The following GRIK2 variants were observed in gnomAD, a reference collection of about 807,000 sequenced individuals.
GRIK2 encodes glutamate receptor ionotropic, kainate 2.
Under a neutral mutation model 100.3 loss-of-function variants are expected in GRIK2, and 32 were observed. The ratio of observed to expected loss-of-function variants is 0.32; its 90% CI spans 0.24 to 0.43. The LOEUF (loss-of-function observed/expected upper bound fraction) is 0.43, where lower values mean the gene tolerates loss of function less well. Ranked by LOEUF, GRIK2 falls within the 20% of genes least tolerant of loss-of-function variation. The pLI is 1.00. For missense variants in GRIK2, 843 were observed against 1,114.9 expected (o/e 0.76, Z 3.47); for synonymous variants, 417 against 389.4 (o/e 1.07, Z -0.83).
chr6:101,592,449 G>A (rs1778695222), intron 2 of GRIK2, among the ~76,000 whole-genome samples: 1 of 148,644 alleles, frequency 6.7e-6, no homozygotes. Flanking sequence ...TACCTAGAAA[G>A]GAGGTATGCT....
chr6:101,960,551 G>C lies in GRIK2; in HGVS notation c.2085+31919G>C, dbSNP rs575636967. On this transcript the variant is annotated intron_variant, in intron 14 of 16. Coordinates refer to ENST00000369134, the MANE Select transcript of GRIK2 (RefSeq NM_021956.5). ...ACTGTAATGTATGTTGTGTAGGGCT[G>C]TTTGGCTTCAATTCTGGGTGCTTTC... Among the ~76,000 whole-genome samples the C allele has an allele frequency of 4.6e-5, 7 of 152,172 alleles. No homozygotes were observed. The South Asian group carries it at 1.0e-3, about 23-fold the overall frequency.
At chr6:102,039,661 C>G (rs1000922858) in intron 15 of GRIK2, among the ~76,000 whole-genome samples, 2 of 151,456 alleles carry the variant, frequency 1.3e-5, no homozygotes, top group Admixed American at 1.3e-4. Context: ...TAAAAGCCTT[C>G]TTGGTTTCTC....
At chr6:101,879,645 CTGCT>C (rs909389540) in intron 11 of GRIK2, among the ~76,000 whole-genome samples, 1 of 150,218 alleles carries the variant, frequency 6.7e-6, no homozygotes, top group African/African-American at 2.5e-5. Context: ...CAAATCATTT[CTGCT>C]TGCTTGTTAA....
intron 2 of GRIK2, among the ~76,000 whole-genome samples, chr6:101,597,714 T>C (rs1446371497): frequency 2.0e-5 from 3 of 151,764 alleles, no homozygotes; most frequent in Non-Finnish European, 4.4e-5. Context: ...AGCATTCCTG[T>C]GCATACTCTG....
chr6:102,050,080 TAAAGAG>T (rs1016247048), intron 15 of GRIK2, among the ~76,000 whole-genome samples: 25 of 152,162 alleles, frequency 1.6e-4, no homozygotes, highest in Admixed American at 5.9e-4. Flanking sequence ...TGAAATAAGA[TAAAGAG>T]AAAAATGTTG....
intron 15 of GRIK2, among the ~76,000 whole-genome samples, chr6:102,040,541 T>A (rs1053620957): frequency 2.6e-5 from 4 of 151,634 alleles, no homozygotes; most frequent in Non-Finnish European, 3.0e-5. Context: ...TTCTGTTTTC[T>A]AATGTTAAAT....
intron 2 of GRIK2, among the ~76,000 whole-genome samples, chr6:101,589,528 C>G (rs1349901677): frequency 6.6e-6 from 1 of 152,030 alleles, no homozygotes; most frequent in Non-Finnish European, 1.5e-5. Flanking sequence ...CTTTTAGATT[C>G]CATATCTGAG....
intron 14 of GRIK2, among the ~76,000 whole-genome samples, chr6:101,963,000 C>T (rs1327955086): frequency 2.0e-5 from 3 of 150,736 alleles, no homozygotes; most frequent in African/African-American, 7.3e-5. Flanking sequence ...ATTTTTAATC[C>T]AGTGTGATAA....
chr6:101,604,156 A>T (rs1779345697), intron 2 of GRIK2, among the ~76,000 whole-genome samples: 1 of 151,724 alleles, frequency 6.6e-6, no homozygotes, highest in Non-Finnish European at 1.5e-5. Flanking sequence ...GGTTAGTTAC[A>T]AATTATCCCA....
At chr6:101,854,519 C>T (rs1375100183) in intron 10 of GRIK2, among the ~76,000 whole-genome samples, 1 of 152,024 alleles carries the variant, frequency 6.6e-6, no homozygotes, top group African/African-American at 2.4e-5. Flanking sequence ...CTCGACCTCC[C>T]AAACTGTTGT....
chr6:101,749,803 CTTTTTTTTTT>C (rs989554915), intron 7 of GRIK2, among the ~76,000 whole-genome samples: 2 of 92,552 alleles, frequency 2.2e-5, no homozygotes, highest in Non-Finnish European at 4.0e-5. Context: ...GTGCCAGTTT[CTTTTTTTTTT>C]TTTTTTTTTT....
intron 7 of GRIK2, among the ~76,000 whole-genome samples, chr6:101,689,388 A>C (rs1406676420): frequency 6.6e-6 from 1 of 152,108 alleles, no homozygotes; most frequent in Non-Finnish European, 1.5e-5. Flanking sequence ...TAGTGCTCAG[A>C]CTTTGACATC....
chr6:101,930,313 G>C (rs1372473746), intron 14 of GRIK2, among the ~76,000 whole-genome samples: 1 of 150,272 alleles, frequency 6.7e-6, no homozygotes, highest in Non-Finnish European at 1.5e-5. Flanking sequence ...TAGCACTCCA[G>C]CTTGGGCAAC....
intron 2 of GRIK2, among the ~76,000 whole-genome samples, chr6:101,520,120 C>A (rs1483479294): frequency 2.0e-5 from 3 of 151,872 alleles, no homozygotes; most frequent in African/African-American, 4.8e-5. Context: ...TATTAATAAA[C>A]TGTAAATAAT....
At chr6:101,827,174 A>T (rs1782387789) in intron 10 of GRIK2, among the ~76,000 whole-genome samples, 1 of 151,982 alleles carries the variant, frequency 6.6e-6, no homozygotes, top group African/African-American at 2.4e-5. Context: ...AATAAGGTAA[A>T]TACAGTTTGC....
rs1434984767 is a variant in GRIK2, at chr6:101,836,619, T to TGTATA, written c.1317+18136_1317+18137insGTATA. On this transcript the variant is annotated intron_variant, in intron 10 of 16. Coordinates refer to ENST00000369134, the MANE Select transcript of GRIK2 (RefSeq NM_021956.5). The stretch of plus-strand genomic sequence containing the variant: ...TTGGGGCTTGTTGCTATATATATAG[T>TGTATA]TATATATATATATATATGTATGTGT... Among the ~76,000 whole-genome samples the TGTATA allele has an allele frequency of 6.6e-3, 895 of 135,098 alleles. 11 individuals carry two copies. The highest frequency in any genetic ancestry group is 9.8e-3 in the Non-Finnish European group (638 of 65,378). The allele number at this position is 135,098 out of a possible 152,430, so 88.6% of individuals were successfully genotyped here. A position where few individuals can be genotyped will look rare whatever the true frequency, so the allele number is the denominator to read the frequency against.
intron 2 of GRIK2, among the ~76,000 whole-genome samples, chr6:101,589,945 G>T (rs975353849): frequency 6.6e-6 from 1 of 151,926 alleles, no homozygotes; most frequent in Admixed American, 6.6e-5. Context: ...TAATAACCTG[G>T]ATAAAATAAC....
chr6:101,749,120 A>AT (rs1365206692), intron 7 of GRIK2, among the ~76,000 whole-genome samples: 1 of 152,086 alleles, frequency 6.6e-6, no homozygotes, highest in Non-Finnish European at 1.5e-5. Flanking sequence ...ATATTGATTT[A>AT]TTTTTTGAGA....
At chr6:101,571,511 T>G (rs981202585) in intron 2 of GRIK2, among the ~76,000 whole-genome samples, 4 of 152,138 alleles carry the variant, frequency 2.6e-5, no homozygotes, top group Admixed American at 2.6e-4. Flanking sequence ...TTGCATTAAT[T>G]TTGCAAAGGG....
Sources: allele counts gnomAD v4.1 joint callset (sites outside exome capture counted in the v4.1 genomes callset), GRCh38; gene constraint gnomAD v4.1.1; transcripts MANE v1.5; gene names NCBI Gene and HGNC (gene_info 2026-07-23, HGNC 2026-07-21).